Variants in LDB3 observed in about 807,000 individuals in gnomAD.
LDB3 encodes LIM domain-binding protein 3.
In LDB3, 49 loss-of-function variants were observed where a neutral mutation model predicts 69.0. The observed-to-expected ratio is 0.71, with a 90% CI of 0.56 to 0.90. The LOEUF is 0.90. Ranked by LOEUF, LDB3 falls within the 40% of genes least tolerant of loss-of-function variation. The probability of loss-of-function intolerance (pLI) is 0.00; values close to 1 mark genes in which losing one functional copy is unlikely to be tolerated. For synonymous variants in LDB3, 387 were observed against 396.2 expected, an observed-to-expected ratio of 0.98 and a Z score of 0.28; for missense variants, 928 against 974.1, an observed-to-expected ratio of 0.95 and a Z score of 0.63.
chr10:86,712,352 G>A (rs943508078), intron 9 of LDB3, among the ~76,000 whole-genome samples: 6 of 152,232 alleles, frequency 3.9e-5, no homozygotes, highest in South Asian at 2.1e-4. Flanking sequence ...CAGGCAGGGG[G>A]AATAGGGTTA....
At chr10:86,697,037 G>C (rs1411316928) in intron 7 of LDB3, among the ~76,000 whole-genome samples, 1 of 152,168 alleles carries the variant, frequency 6.6e-6, no homozygotes, top group African/African-American at 2.4e-5. Context: ...TCAAGGGGTA[G>C]AGAGAGACAG....
chr10:86,694,413 G>A (rs928842625), intron 7 of LDB3, among the ~76,000 whole-genome samples: 1 of 152,116 alleles, frequency 6.6e-6, no homozygotes, highest in Admixed American at 6.5e-5. Flanking sequence ...GCTACGGCAG[G>A]GTTTCATGCT....
intron 2 of LDB3, among the ~76,000 whole-genome samples, chr10:86,669,397 C>A (rs10887639): frequency 1.3e-5 from 2 of 152,118 alleles, no homozygotes; most frequent in East Asian, 3.9e-4. Context: ...TCTTGTTCCC[C>A]ACAAGTGCTG....
At chr10:86,676,803 G>A (rs528462855) in intron 2 of LDB3, among the ~76,000 whole-genome samples, 1 of 152,336 alleles carries the variant, frequency 6.6e-6, no homozygotes, top group South Asian at 2.1e-4. Flanking sequence ...GTGACTGCAG[G>A]GCATCCTGGT....
intron 8 of LDB3, among the ~76,000 whole-genome samples, chr10:86,707,583 G>C (rs1472097358): frequency 6.6e-6 from 1 of 152,164 alleles, no homozygotes; most frequent in African/African-American, 2.4e-5. Context: ...GGGCTTCCAA[G>C]AGTAGGCCAG....
intron 4 of LDB3, among the ~76,000 whole-genome samples, chr10:86,681,001 C>T (rs1845088504): frequency 6.6e-6 from 1 of 152,254 alleles, no homozygotes; most frequent in African/African-American, 2.4e-5. Flanking sequence ...TCCCTCCTCA[C>T]CTCCCCACCA....
At position 86,734,288 on chromosome 10, in the gene LDB3, C is replaced by A. The variant is rs1417499682; in HGVS notation, c.*1312C>A. 6.6e-6 allele frequency: 1 copy of A among 152,172 alleles called. No homozygotes were observed. Among genetic ancestry groups the A allele is most frequent in the African/African-American group, 2.4e-5 (1 of 41,442 alleles). 9.4% of individuals were successfully genotyped at this position (152,172 alleles called of 1,614,324 possible). ...TTGAAGTAGAGGGGCCTTCAAACTA[C>A]TTTATACTAGTGATAGTTTGAGTTA... is the stretch of plus-strand genomic sequence containing the variant. On this transcript the variant is annotated 3_prime_UTR_variant, in exon 14 of 14. Coordinates refer to ENST00000361373, the MANE Select transcript of LDB3 (RefSeq NM_007078.3).
At chr10:86,700,053 A>G in intron 7 of LDB3, 2 of 986,622 alleles carry the variant, frequency 2.0e-6, no homozygotes, top group Non-Finnish European at 2.4e-6. Flanking sequence ...GAACCACACC[A>G]AGCCCCAGTC....
intron 7 of LDB3, among the ~76,000 whole-genome samples, chr10:86,697,366 C>T (rs1846048049): frequency 6.6e-6 from 1 of 151,348 alleles, no homozygotes; most frequent in Admixed American, 6.6e-5. Flanking sequence ...GGATTACAGG[C>T]ATGTGACACC....
chr10:86,677,873 G>T (rs140291658), intron 2 of LDB3, among the ~76,000 whole-genome samples: 1,615 of 152,290 alleles, frequency 0.011, 16 homozygotes, highest in South Asian at 0.019. Flanking sequence ...GCTTTTGAGT[G>T]GGTGCATTTA....
chr10:86,719,503 G>A (rs1042361707), intron 12 of LDB3, among the ~76,000 whole-genome samples: 2 of 152,196 alleles, frequency 1.3e-5, no homozygotes, highest in African/African-American at 2.4e-5. Context: ...GGCCTTGGCT[G>A]TGGACTTTGT....
Position 86,685,702 on chromosome 10 carries a change from T to C in LDB3, c.689+3899T>C, listed in dbSNP as rs1264291601. On this transcript the variant is annotated intron_variant, in intron 5 of 13. Coordinates refer to ENST00000361373, the MANE Select transcript of LDB3 (RefSeq NM_007078.3). ...GGTGGTAGTCAACTCTCCAGCCAAG[T>C]TAGTATCAAAGGACAGCATGTGTGT... 6 of 1,614,150 alleles carry C rather than the reference T, an allele frequency of 3.7e-6. No individual in the cohort carries two copies. Among genetic ancestry groups the C allele is most frequent in the African/African-American group, 1.3e-5 (1 of 75,036 alleles).
chr10:86,715,370 G>A (rs1439187977), intron 9 of LDB3, among the ~76,000 whole-genome samples: 1 of 152,188 alleles, frequency 6.6e-6, no homozygotes, highest in African/African-American at 2.4e-5. Flanking sequence ...GCTGGACCTT[G>A]CCTGCAGGGT....
At chr10:86,708,981 T>A (rs1198210632) in intron 8 of LDB3, among the ~76,000 whole-genome samples, 1 of 152,190 alleles carries the variant, frequency 6.6e-6, no homozygotes, top group African/African-American at 2.4e-5. Context: ...CAGGCAGGGC[T>A]CACTTCTCCA....
intron 8 of LDB3, 141 bp downstream of exon 8, chr10:86,706,860 T>C (rs1258628750): frequency 9.2e-6 from 8 of 865,332 alleles, no homozygotes; most frequent in Middle Eastern, 3.5e-4. Context: ...CGCTGCTTGG[T>C]GCAGAGTGTG....
intron 2 of LDB3, among the ~76,000 whole-genome samples, chr10:86,671,185 T>A (rs1237578339): frequency 6.6e-6 from 1 of 152,194 alleles, no homozygotes; most frequent in Non-Finnish European, 1.5e-5. Flanking sequence ...AAACTGAGGC[T>A]CGAGTCTGCT....
At chr10:86,696,182 C>T (rs1845987910) in intron 7 of LDB3, among the ~76,000 whole-genome samples, 1 of 152,312 alleles carries the variant, frequency 6.6e-6, no homozygotes, top group Admixed American at 6.5e-5. Flanking sequence ...GCCCCCTTCC[C>T]TCCCTCTGCT....
At chr10:86,696,299 A>G (rs1297179103) in intron 7 of LDB3, among the ~76,000 whole-genome samples, 1 of 151,340 alleles carries the variant, frequency 6.6e-6, no homozygotes, top group African/African-American at 2.4e-5. Context: ...CCTTGTAAGA[A>G]AGCAATGAAA....
intron 7 of LDB3, among the ~76,000 whole-genome samples, chr10:86,704,062 C>G (rs781768321): frequency 5.3e-5 from 8 of 151,354 alleles, no homozygotes; most frequent in Non-Finnish European, 1.0e-4. Context: ...TGCAGTGAGC[C>G]GAGATCGCGA....
Sources: allele counts gnomAD v4.1 joint callset (sites outside exome capture counted in the v4.1 genomes callset), GRCh38; gene constraint gnomAD v4.1.1; transcripts MANE v1.5; gene names NCBI Gene and HGNC (gene_info 2026-07-23, HGNC 2026-07-21).